ZNF239: variants seen among roughly 807,000 people sequenced by gnomAD.
ZNF239 encodes the protein zinc finger protein 239.
A neutral mutation model predicts 27.5 loss-of-function variants in ZNF239; 16 were observed. The observed-to-expected ratio is 0.58, with a 90% confidence interval of 0.39 to 0.88. The LOEUF is 0.88. Among genes scored for constraint, ZNF239 ranks in the 40% least tolerant of loss-of-function variants. The pLI, the probability that ZNF239 is intolerant of heterozygous loss-of-function variation, is 0.00. For synonymous variants in ZNF239, 199 were observed against 192.6 expected (o/e 1.03, Z -0.27); for missense variants, 527 against 551.9 (o/e 0.95, Z 0.45).
chr10:43,557,890 A>T lies in ZNF239; in HGVS notation c.190T>A (p.Leu64Met), dbSNP rs1564454550. 2 of 1,614,188 alleles carry T rather than the reference A, an allele frequency of 1.2e-6. No individual in the cohort carries two copies. Among genetic ancestry groups the T allele is most frequent in the Admixed American group, 1.7e-5 (1 of 60,020 alleles). ...CFENIESETYLPLKVSSQIDT... is the reference protein window; with the variant it reads ...CFENIESETYMPLKVSSQIDT... Reference sequence around the variant, plus strand: ...ATTTGGCTTGAGACTTTCAAAGGCAAATATGTTTCACTTTCAATGTTTTCG... The same window carrying T: ...ATTTGGCTTGAGACTTTCAAAGGCATATATGTTTCACTTTCAATGTTTTCG... The change falls in exon 4 of 4, where the codon TTG becomes ATG. Residue 64 changes from leucine (L) to methionine (M), a missense_variant. Transcript: ENST00000374446.
At position 43,557,749 on chromosome 10, in the gene ZNF239, T is replaced by C; in HGVS notation, c.331A>G (p.Ser111Gly). ...STERKVIKGE[S>G]CSENLQVKLV... ...TTAACTTGAAGGTTCTCTGAACAAC[T>C]TTCCCCCTTTATCACTTTTCTCTCA... The change falls in exon 4 of 4, where the codon AGT (serine) becomes GGT (glycine). Residue 111 changes from serine (S) to glycine (G), a missense_variant. Ser to Gly is a moderately conservative substitution (Grantham distance 56, BLOSUM62 0). Transcript: ENST00000374446. 2 of 1,614,100 alleles carry C rather than the reference T, an allele frequency of 1.2e-6. No homozygotes were observed. The highest frequency in any genetic ancestry group is 1.7e-6 in the Non-Finnish European group (2 of 1,180,020).
At position 43,557,136 on chromosome 10, in the gene ZNF239, C is replaced by T. The variant is rs1430411800; in HGVS notation, c.944G>A (p.Gly315Glu). ...KLHIHQRVHT[G>E]EKPYECEECG... ...CTCCTCACACTCATAGGGCTTCTCT[C>T]CAGTGTGGACTCGCTGGTGGATGTG... Residue 315 changes from glycine (G) to glutamate (E), a missense_variant, in exon 4 of 4, where the codon GGA (glycine) becomes GAA (glutamate). Coordinates refer to ENST00000374446, the MANE Select transcript of ZNF239 (RefSeq NM_001099282.2). 1.9e-6 allele frequency: 3 copies of T among 1,612,868 alleles called. No homozygotes were observed. Among genetic ancestry groups the T allele is most frequent in the East Asian group, 2.2e-5 (1 of 44,850 alleles).
At chr10:43,562,507 T>C (rs1237438860) in intron 3 of ZNF239, among the ~76,000 whole-genome samples, 1 of 152,184 alleles carries the variant, frequency 6.6e-6, no homozygotes, top group East Asian at 1.9e-4. Flanking sequence ...ACTGTGCACG[T>C]TTTATATTTA....
intron 2 of ZNF239, chr10:43,570,782 T>A: frequency 1.1e-6 from 1 of 943,420 alleles, no homozygotes; most frequent in Non-Finnish European, 1.3e-6. Flanking sequence ...TGTAGTACAA[T>A]TTTTGTCATC....
In ZNF239 at chr10:43,573,689, G is replaced by A. The variant is rs1838176996; in HGVS notation, c.-256-12C>T. On this transcript the variant is annotated splice_polypyrimidine_tract_variant and intron_variant, in intron 1 of 3. Coordinates refer to ENST00000374446, the MANE Select transcript of ZNF239 (RefSeq NM_001099282.2). Reference sequence around the variant, plus strand: ...GAGGGGATGGATTCCTGGAAAGGCAGAGTTAGGGAAAGAGAAAAAGCCATG... The same window carrying A: ...GAGGGGATGGATTCCTGGAAAGGCAAAGTTAGGGAAAGAGAAAAAGCCATG... 1.0e-6 allele frequency: 1 copy of A among 984,578 alleles called. No individual in the cohort carries two copies. The highest frequency in any genetic ancestry group is 1.2e-6 in the Non-Finnish European group (1 of 829,318). The allele number at this position is 984,578 out of a possible 1,614,324, so 61.0% of individuals were successfully genotyped here. A position where few individuals can be genotyped will look rare whatever the true frequency, so the allele number is the denominator to read the frequency against.
chr10:43,558,954 C>T (rs1342448543), intron 3 of ZNF239, among the ~76,000 whole-genome samples: 6 of 151,792 alleles, frequency 4.0e-5, no homozygotes, highest in Non-Finnish European at 8.8e-5. Context: ...TAACCAGCCA[C>T]GAAAGCACAG....
Position 43,557,951 on chromosome 10 carries a change from GT to G in ZNF239, c.128del (p.Asn43ThrfsTer5). 1 of 1,614,168 alleles carries G rather than the reference GT, an allele frequency of 6.2e-7. No individual in the cohort carries two copies. ...TTTGAAGAGTCATCACACTGTCCCT[GT>G]TTCTGGAAATAGGAGAAGATGCTTC... Reference protein sequence around the residue: ...WGEASSPISRNRDSVMTLQSG... With the variant: ...WGEASSPISRXRDSVMTLQSG... On this transcript the variant is annotated frameshift_variant, in exon 4 of 4. Transcript: ENST00000374446. LOFTEE classifies it low-confidence loss of function (END_TRUNC).
rs572735975 is a variant in ZNF239 at position 43,563,313 on chromosome 10, C to G, written c.-93+4586G>C. 8.6e-5 allele frequency among the ~76,000 whole-genome samples: 13 copies of G among 151,294 alleles called. No homozygotes were observed. The East Asian group carries it at 2.3e-3, about 27-fold the overall frequency. The stretch of plus-strand genomic sequence containing the variant: ...CCTGGGCGACAGAGTGAGCCTTCGT[C>G]TAAAAGAAGAAGAAGAAAAAAAAAT... On this transcript the variant is annotated intron_variant, in intron 3 of 3. Transcript: ENST00000374446.
At chr10:43,574,309 C>T (rs887206563) in intron 1 of ZNF239, among the ~76,000 whole-genome samples, 1 of 152,208 alleles carries the variant, frequency 6.6e-6, no homozygotes, top group African/African-American at 2.4e-5. Flanking sequence ...AGCTGCAGGG[C>T]CCCACAGGCT....
chr10:43,558,701 A>G (rs969496462), intron 3 of ZNF239, among the ~76,000 whole-genome samples: 13 of 152,200 alleles, frequency 8.5e-5, no homozygotes, highest in African/African-American at 3.1e-4. Context: ...CATCCGCGTC[A>G]GCCTCCCAAA....
chr10:43,556,733 G>A lies in ZNF239; in HGVS notation c.1347C>T (p.His449=). 3 of 1,613,892 alleles carry A rather than the reference G, an allele frequency of 1.9e-6. No homozygotes were observed. The highest frequency in any genetic ancestry group is 2.2e-5 in the South Asian group (2 of 91,072). The change falls in exon 4 of 4, where the codon CAC becomes CAT. Residue 449 remains histidine (H), a synonymous_variant. Coordinates refer to ENST00000374446, the MANE Select transcript of ZNF239 (RefSeq NM_001099282.2). ...GFSQSSNLHI[H]QRVHKKDPR The stretch of plus-strand genomic sequence containing the variant: ...GAGGATCTTTCTTGTGAACCCGCTG[G>A]TGGATGTGAAGGTTGGAGCTCTGGC...
chr10:43,558,303 G>T, intron 3 of ZNF239, 132 bp from the exon 4 acceptor site: 1 of 802,518 alleles, frequency 1.2e-6, no homozygotes, highest in Non-Finnish European at 1.8e-6. Flanking sequence ...TGTCCTTTGG[G>T]TTAAGGTCAG....
At chr10:43,565,954 C>T (rs868374348) in intron 3 of ZNF239, among the ~76,000 whole-genome samples, 1 of 150,856 alleles carries the variant, frequency 6.6e-6, no homozygotes, top group African/African-American at 2.4e-5. Context: ...AAGGTCAACA[C>T]TATAGAAACC....
At chr10:43,562,313 G>C (rs1198432391) in intron 3 of ZNF239, among the ~76,000 whole-genome samples, 1 of 152,180 alleles carries the variant, frequency 6.6e-6, no homozygotes, top group Non-Finnish European at 1.5e-5. Context: ...ACGAAGGACA[G>C]ACATTTTGAC....
At chr10:43,573,039 G>A (rs1050912755) in intron 2 of ZNF239, among the ~76,000 whole-genome samples, 1 of 152,062 alleles carries the variant, frequency 6.6e-6, no homozygotes, top group African/African-American at 2.4e-5. Context: ...CACTAGGTCT[G>A]GAAGAGAGAA....
chr10:43,570,840 C>T (rs1178517615), intron 2 of ZNF239: 1 of 984,770 alleles, frequency 1.0e-6, no homozygotes, highest in African/African-American at 1.8e-5. Context: ...TTTTAAGGTC[C>T]TCAAGATAAA....
rs761748741 is a variant in ZNF239 at position 43,557,313 on chromosome 10, A to C, written c.767T>G (p.Val256Gly). Reference sequence around the variant, plus strand: ...CTTATAAGGCTTCTCATCTGTGTGGACTGCCTGATGGATAAGCAGACTCGA... The same window carrying C: ...CTTATAAGGCTTCTCATCTGTGTGGCCTGCCTGATGGATAAGCAGACTCGA... ...RSSSLLIHQA[V>G]HTDEKPYKCD... The change falls in exon 4 of 4, where the codon GTC becomes GGC. Residue 256 changes from valine to glycine, a missense_variant. Val to Gly is a moderately radical substitution (Grantham distance 109, BLOSUM62 -3). Transcript: ENST00000374446. The C allele has an allele frequency of 6.2e-7, 1 of 1,613,898 alleles. No individual in the cohort carries two copies. Among genetic ancestry groups the C allele is most frequent in the African/African-American group, 1.3e-5 (1 of 74,886 alleles).
At chr10:43,571,981 C>G (rs1838060513) in intron 2 of ZNF239, among the ~76,000 whole-genome samples, 1 of 152,060 alleles carries the variant, frequency 6.6e-6, no homozygotes, top group Admixed American at 6.5e-5. Flanking sequence ...GATGGTCAAG[C>G]CCAAGACCCT....
At chr10:43,572,777 C>T (rs757946499) in intron 2 of ZNF239, among the ~76,000 whole-genome samples, 2 of 152,196 alleles carry the variant, frequency 1.3e-5, no homozygotes, top group Non-Finnish European at 2.9e-5. Context: ...TTGAGGTAAC[C>T]TCCTACAGAT....
Sources: allele counts gnomAD v4.1 joint callset (sites outside exome capture counted in the v4.1 genomes callset), GRCh38; gene constraint gnomAD v4.1.1; transcripts MANE v1.5; gene names NCBI Gene and HGNC (gene_info 2026-07-23, HGNC 2026-07-21).